HERC5: variants seen among roughly 807,000 people sequenced by gnomAD.
HERC5 encodes the protein E3 ISG15--protein ligase HERC5.
Under a neutral mutation model 119.6 loss-of-function variants are expected in HERC5, and 99 were observed. The ratio of observed to expected loss-of-function variants is 0.83; its 90% CI spans 0.70 to 0.98. The LOEUF (loss-of-function observed/expected upper bound fraction) is 0.98, where lower values mean the gene tolerates loss of function less well. Ranked by LOEUF, HERC5 falls within the 50% of genes least tolerant of loss-of-function variation. The pLI, the probability that HERC5 is intolerant of heterozygous loss-of-function variation, is 0.00. For missense variants in HERC5, 1,267 were observed against 1,241.3 expected (o/e 1.02, Z -0.31); for synonymous variants, 478 against 445.9 (o/e 1.07, Z -0.91).
Position 88,494,196 on chromosome 4 carries a change from T to C in HERC5, c.2309T>C (p.Phe770Ser). Reference sequence around the variant, plus strand: ...TTTGAGAAGAAAAGATACTTCTTTTTTGGGGTTCTATGTGGACTTTCCCTG... The same window carrying C: ...TTTGAGAAGAAAAGATACTTCTTTTCTGGGGTTCTATGTGGACTTTCCCTG... Reference protein sequence around the residue: ...PKFEKKRYFFFGVLCGLSLFN... With the variant: ...PKFEKKRYFFSGVLCGLSLFN... The change falls in exon 18 of 23, where the codon TTT (phenylalanine) becomes TCT (serine). Residue 770 changes from phenylalanine (F) to serine (S), a missense_variant. This residue lies in a region of HERC5 where 473 missense variants were observed against 445.7 expected (regional missense o/e 1.06). Coordinates refer to ENST00000264350, the MANE Select transcript of HERC5 (RefSeq NM_016323.4). The C allele has an allele frequency of 1.2e-6, 2 of 1,610,406 alleles. No homozygotes were observed. Among genetic ancestry groups the C allele is most frequent in the Non-Finnish European group, 1.7e-6 (2 of 1,178,946 alleles).
chr4:88,489,412 T>C, intron 16 of HERC5, 76 bp downstream of exon 16: 1 of 1,321,492 alleles, frequency 7.6e-7, no homozygotes, highest in Non-Finnish European at 1.0e-6. Flanking sequence ...AAGGGTTTCA[T>C]AGAGAGGAAG....
chr4:88,478,427 C>A (rs943314854), intron 12 of HERC5, among the ~76,000 whole-genome samples: 9 of 151,630 alleles, frequency 5.9e-5, no homozygotes, highest in African/African-American at 2.2e-4. Context: ...ATAGTGGTTA[C>A]TAGTGGATGG....
At chr4:88,470,739 ATGAT>A (rs1578046672) in intron 10 of HERC5, 66 bp downstream of exon 10, 1 of 722,604 alleles carries the variant, frequency 1.4e-6, no homozygotes, top group East Asian at 3.0e-5. Context: ...GGATAAAAAA[ATGAT>A]TGGAGAGTAA....
intron 16 of HERC5, among the ~76,000 whole-genome samples, chr4:88,490,311 A>T (rs185576528): frequency 1.3e-5 from 2 of 152,238 alleles, no homozygotes; most frequent in Admixed American, 1.3e-4. Flanking sequence ...CATTTTACAG[A>T]TGGGGAAACT....
chr4:88,469,148 T>G lies in HERC5; in HGVS notation c.1135-9T>G, dbSNP rs754632535. 5 of 1,572,368 alleles carry G rather than the reference T, an allele frequency of 3.2e-6. No individual in the cohort carries two copies. The highest frequency in any genetic ancestry group is 4.4e-6 in the Non-Finnish European group (5 of 1,144,134). ...AATTATTGTATTTTACTTTCCTGTT[T>G]GTTTACAGAATTCATATGTTAATCT... On this transcript the variant is annotated splice_polypyrimidine_tract_variant and intron_variant, in intron 8 of 22. Coordinates refer to ENST00000264350, the MANE Select transcript of HERC5 (RefSeq NM_016323.4).
chr4:88,465,103 C>T (rs978772433), intron 6 of HERC5, among the ~76,000 whole-genome samples: 14 of 152,038 alleles, frequency 9.2e-5, no homozygotes, highest in Admixed American at 3.3e-4. Context: ...TTAGTAGAGT[C>T]GGGGTTTCAC....
intron 6 of HERC5, among the ~76,000 whole-genome samples, chr4:88,465,163 C>T (rs1049604914): frequency 1.3e-5 from 2 of 152,198 alleles, no homozygotes; most frequent in East Asian, 3.8e-4. Context: ...GATCTGCTCG[C>T]CTTGACCCCT....
chr4:88,482,896 G>T (rs939759790), intron 13 of HERC5, among the ~76,000 whole-genome samples: 11 of 152,064 alleles, frequency 7.2e-5, no homozygotes, highest in African/African-American at 2.7e-4. Flanking sequence ...CTCCCAAAGT[G>T]CTGGGATTAC....
chr4:88,472,590 A>G, intron 11 of HERC5, 88 bp downstream of exon 11: 1 of 821,032 alleles, frequency 1.2e-6, no homozygotes, highest in Non-Finnish European at 2.1e-6. Context: ...GTTTTGTGTT[A>G]AGGGATTCTC....
rs1020392552 is a variant in HERC5, at chr4:88,506,115, T to A, written c.*237T>A. On this transcript the variant is annotated 3_prime_UTR_variant, in exon 23 of 23. Coordinates refer to ENST00000264350, the MANE Select transcript of HERC5 (RefSeq NM_016323.4). ...ACCCCTATGCCTACATCATATTCCTTACCTCTTTTGGGAAATATTTTTCAA... is the reference window on the plus strand; with the variant it reads ...ACCCCTATGCCTACATCATATTCCTAACCTCTTTTGGGAAATATTTTTCAA... 3 of 436,860 alleles carry A rather than the reference T, an allele frequency of 6.9e-6. No individual in the cohort carries two copies. The highest frequency in any genetic ancestry group is 5.9e-4 in the Middle Eastern group (1 of 1,706). 27.1% of individuals were successfully genotyped at this position (436,860 alleles called of 1,614,324 possible).
At chr4:88,503,423 G>A (rs1471657908) in intron 20 of HERC5, among the ~76,000 whole-genome samples, 1 of 152,018 alleles carries the variant, frequency 6.6e-6, no homozygotes, top group Non-Finnish European at 1.5e-5. Context: ...TATTGTATTT[G>A]AATCTTCTCT....
At chr4:88,501,031 T>C in intron 20 of HERC5, 46 bp downstream of exon 20, 1 of 1,303,230 alleles carries the variant, frequency 7.7e-7, no homozygotes, top group Non-Finnish European at 1.1e-6. Context: ...GTACTATTTT[T>C]ATTTTACTGA....
At chr4:88,472,745 A>T (rs1047530524) in intron 11 of HERC5, among the ~76,000 whole-genome samples, 3 of 152,212 alleles carry the variant, frequency 2.0e-5, no homozygotes, top group African/African-American at 7.2e-5. Context: ...ACATACACAT[A>T]TATGCATACA....
Position 88,489,414 on chromosome 4 carries a change from G to T in HERC5, c.2133+78G>T, listed in dbSNP as rs574256744. 3.3e-5 allele frequency: 43 copies of T among 1,298,504 alleles called. No homozygotes were observed. The African/African-American group carries it at 5.5e-4, about 17-fold the overall frequency. The allele number at this position is 1,298,504 out of a possible 1,614,324, so 80.4% of individuals were successfully genotyped here. ...AAAGAATGTGGCAAAGGGTTTCATA[G>T]AGAGGAAGTTATCTTCCTTTGCCAC... On this transcript the variant is annotated intron_variant, in intron 16 of 22. Transcript: ENST00000264350.
chr4:88,502,377 A>T (rs958953125), intron 20 of HERC5, among the ~76,000 whole-genome samples: 1 of 152,168 alleles, frequency 6.6e-6, no homozygotes, highest in Non-Finnish European at 1.5e-5. Context: ...TTTTGGGGAG[A>T]GCTGCACAGG....
At position 88,457,330 on chromosome 4, in the gene HERC5, G is replaced by A; in HGVS notation, c.61G>A (p.Ala21Thr). 5 of 1,401,610 alleles carry A rather than the reference G, an allele frequency of 3.6e-6. No homozygotes were observed. The highest frequency in any genetic ancestry group is 1.5e-5 in the South Asian group (1 of 66,754). The allele number at this position is 1,401,610 out of a possible 1,614,324, so 86.8% of individuals were successfully genotyped here. The part of the protein sequence containing the change: ...RNGRSTAGKA[A>T]ATQPAKSPGA... The stretch of plus-strand genomic sequence containing the variant: ...CGGGCGCTCGACCGCGGGCAAGGCC[G>A]CCGCGACCCAGCCCGCGAAGTCTCC... The change falls in exon 1 of 23, where the codon GCC becomes ACC. Residue 21 changes from alanine (A) to threonine (T), a missense_variant. Physicochemically the swap from Ala to Thr is moderately conservative, Grantham distance 58. Coordinates refer to ENST00000264350, the MANE Select transcript of HERC5 (RefSeq NM_016323.4).
Position 88,505,950 on chromosome 4 carries a change from CTACTT to C in HERC5, c.*74_*78del. 3 of 1,276,402 alleles carry C rather than the reference CTACTT, an allele frequency of 2.4e-6. No individual in the cohort carries two copies. The highest frequency in any genetic ancestry group is 3.3e-6 in the Non-Finnish European group (3 of 912,522). 79.1% of individuals were successfully genotyped at this position (1,276,402 alleles called of 1,614,324 possible). On this transcript the variant is annotated 3_prime_UTR_variant, in exon 23 of 23. Coordinates refer to ENST00000264350, the MANE Select transcript of HERC5 (RefSeq NM_016323.4). ...TGTTGTTGTTGTTGTTGTTGTTTCT[CTACTT>C]TGTTTTGTTTTAGGCTTTTAGCAGC... is the stretch of plus-strand genomic sequence containing the variant.
intron 13 of HERC5, among the ~76,000 whole-genome samples, chr4:88,480,066 C>CAAAAAA (rs58577205): frequency 2.1e-5 from 2 of 93,946 alleles, no homozygotes; most frequent in Non-Finnish European, 2.4e-5. Context: ...GACTCCGTCT[C>CAAAAAA]AAAAAAAAAA....
Position 88,506,016 on chromosome 4 carries a change from T to C in HERC5, c.*138T>C, listed in dbSNP as rs1742094984. 2.9e-6 allele frequency: 2 copies of C among 685,584 alleles called. No individual in the cohort carries two copies. The highest frequency in any genetic ancestry group is 5.0e-6 in the Non-Finnish European group (2 of 403,504). 42.5% of individuals were successfully genotyped at this position (685,584 alleles called of 1,614,324 possible). A position where few individuals can be genotyped will look rare whatever the true frequency, so the allele number is the denominator to read the frequency against. ...GGTTTTTCATTTCTGTCTCTAGTGA[T>C]AAGCAGGAAAGAGGGATGAAGAAGA... On this transcript the variant is annotated 3_prime_UTR_variant, in exon 23 of 23. Transcript: ENST00000264350.
Sources: allele counts gnomAD v4.1 joint callset (sites outside exome capture counted in the v4.1 genomes callset), GRCh38; gene constraint gnomAD v4.1.1; regional missense constraint gnomAD v4.1.1; transcripts MANE v1.5; gene names NCBI Gene and HGNC (gene_info 2026-07-23, HGNC 2026-07-21).